The following BCAS3 variants were observed in gnomAD, a reference collection of about 807,000 sequenced individuals.
BCAS3 encodes BCAS3 microtubule associated cell migration factor.
A neutral mutation model predicts 116.1 loss-of-function variants in BCAS3; 53 were observed. The observed-to-expected ratio is 0.46, with a 90% CI of 0.37 to 0.57. BCAS3 has a LOEUF of 0.57. Among genes scored for constraint, BCAS3 ranks in the 20% least tolerant of loss-of-function variants. The pLI is 0.00. For missense variants in BCAS3, 917 were observed against 1,165.4 expected, an observed-to-expected ratio of 0.79 and a Z score of 3.10; for synonymous variants, 391 against 408.2, an observed-to-expected ratio of 0.96 and a Z score of 0.51.
chr17:60,832,649 G>A (rs1378890890), intron 7 of BCAS3, among the ~76,000 whole-genome samples: 1 of 152,064 alleles, frequency 6.6e-6, no homozygotes, highest in African/African-American at 2.4e-5. Flanking sequence ...ATGTAAAGAG[G>A]TTATTTTTTA....
intron 7 of BCAS3, among the ~76,000 whole-genome samples, chr17:60,867,025 T>C (rs1428354231): frequency 2.0e-5 from 3 of 152,072 alleles, no homozygotes; most frequent in Non-Finnish European, 4.4e-5. Context: ...AGATCTCATG[T>C]CTGGTATATT....
intron 22 of BCAS3, among the ~76,000 whole-genome samples, chr17:61,117,174 T>C (rs535124671): frequency 1.4e-4 from 22 of 152,362 alleles, no homozygotes; most frequent in Non-Finnish European, 2.8e-4. Flanking sequence ...GCCCCTGTTA[T>C]TCAGACTGGG....
intron 10 of BCAS3, among the ~76,000 whole-genome samples, chr17:60,898,393 C>T (rs2057654538): frequency 1.3e-5 from 2 of 151,984 alleles, no homozygotes; most frequent in African/African-American, 4.8e-5. Flanking sequence ...ATCTATAGTA[C>T]TGGTTGGATA....
chr17:61,264,960 G>T (rs1186583571), intron 22 of BCAS3, among the ~76,000 whole-genome samples: 1 of 152,226 alleles, frequency 6.6e-6, no homozygotes, highest in Non-Finnish European at 1.5e-5. Context: ...GAGAGAAATT[G>T]CTCTACAGAG....
chr17:61,069,916 G>A (rs569823550), intron 19 of BCAS3: 9 of 1,499,262 alleles, frequency 6.0e-6, no homozygotes, highest in East Asian at 4.5e-5. Flanking sequence ...TCCTAAAGCC[G>A]AAGCCAAAGC....
intron 19 of BCAS3, among the ~76,000 whole-genome samples, chr17:61,062,764 G>T (rs947819691): frequency 6.6e-6 from 1 of 152,126 alleles, no homozygotes; most frequent in African/African-American, 2.4e-5. Context: ...TGAAGGTCCT[G>T]GGAATTTAAT....
At chr17:61,064,321 A>G (rs997271262) in intron 19 of BCAS3, among the ~76,000 whole-genome samples, 2 of 152,148 alleles carry the variant, frequency 1.3e-5, no homozygotes, top group African/African-American at 4.8e-5. Flanking sequence ...TAAAAAAAAA[A>G]AAGTATACTT....
At chr17:60,854,897 A>G (rs2053519667) in intron 7 of BCAS3, among the ~76,000 whole-genome samples, 1 of 150,630 alleles carries the variant, frequency 6.6e-6, no homozygotes. Flanking sequence ...AAACTGTGGT[A>G]TATTCATAAA....
chr17:60,968,127 G>A (rs2145335123), intron 14 of BCAS3, among the ~76,000 whole-genome samples: 1 of 152,118 alleles, frequency 6.6e-6, no homozygotes, highest in East Asian at 1.9e-4. Flanking sequence ...TTTTTTTCGT[G>A]TGTATATCTG....
intron 22 of BCAS3, among the ~76,000 whole-genome samples, chr17:61,129,712 G>A (rs769028711): frequency 6.6e-6 from 1 of 152,190 alleles, no homozygotes; most frequent in Non-Finnish European, 1.5e-5. Flanking sequence ...GGGAGGTGCC[G>A]ATCTTCAGTT....
intron 23 of BCAS3, among the ~76,000 whole-genome samples, chr17:61,375,436 A>G (rs906451118): frequency 2.5e-4 from 38 of 152,176 alleles, no homozygotes; most frequent in African/African-American, 9.2e-4. Flanking sequence ...TGCCTGGGTC[A>G]GTATGGAGGG....
rs190347160 is a variant in BCAS3, at chr17:61,037,321, G to A, written c.1763-568G>A. Among the ~76,000 whole-genome samples the A allele has an allele frequency of 1.4e-3, 212 of 152,290 alleles. 1 individual carries two copies. Among genetic ancestry groups the A allele is most frequent in the Non-Finnish European group, 1.9e-3 (128 of 68,024 alleles). ...ATTGTAGACAAGTACAAAAGTCTATGAAGGATTTTACTATATTAGGATTTG... is the reference window on the plus strand; with the variant it reads ...ATTGTAGACAAGTACAAAAGTCTATAAAGGATTTTACTATATTAGGATTTG... On this transcript the variant is annotated intron_variant, in intron 17 of 23. Transcript: ENST00000407086. The surrounding 1 kb of genome is among the most constrained non-coding windows in gnomAD (Gnocchi z 4.7).
chr17:60,942,820 C>G (rs1230441442), intron 13 of BCAS3, among the ~76,000 whole-genome samples: 1 of 152,068 alleles, frequency 6.6e-6, no homozygotes. Context: ...AGTTTAAATG[C>G]TTATACTAAT....
chr17:61,273,379 A>G (rs1386391672), intron 22 of BCAS3, among the ~76,000 whole-genome samples: 2 of 152,084 alleles, frequency 1.3e-5, no homozygotes, highest in Non-Finnish European at 2.9e-5. Flanking sequence ...TTTAAAAAAT[A>G]CCATTTTTTA....
At chr17:61,275,200 C>T (rs991369689) in intron 22 of BCAS3, among the ~76,000 whole-genome samples, 1 of 152,122 alleles carries the variant, frequency 6.6e-6, no homozygotes, top group Non-Finnish European at 1.5e-5. Context: ...AGTTTAACAG[C>T]ATCAGAACAT....
intron 11 of BCAS3, among the ~76,000 whole-genome samples, chr17:60,905,933 A>C (rs2058165540): frequency 6.6e-6 from 1 of 152,168 alleles, no homozygotes; most frequent in African/African-American, 2.4e-5. Flanking sequence ...TATTATGCAA[A>C]TGGAGTCTCT....
rs1341689503 is a variant in BCAS3, at chr17:61,316,198, C to T, written c.2426-52129C>T. On this transcript the variant is annotated intron_variant, in intron 22 of 23. Coordinates refer to ENST00000407086, the MANE Select transcript of BCAS3 (RefSeq NM_017679.5). The surrounding 1 kb of genome is among the most constrained non-coding windows in gnomAD (Gnocchi z 5.8). Reference sequence around the variant, plus strand: ...GTGCATGCCTGTGATCCCAGCTACTCAGGAGGCTGTGGCAGGAGAATCACC... The same window carrying T: ...GTGCATGCCTGTGATCCCAGCTACTTAGGAGGCTGTGGCAGGAGAATCACC... Among the ~76,000 whole-genome samples, 1 of 152,098 alleles carries T rather than the reference C, an allele frequency of 6.6e-6. No individual in the cohort carries two copies. The highest frequency in any genetic ancestry group is 2.4e-5 in the African/African-American group (1 of 41,416).
intron 6 of BCAS3, among the ~76,000 whole-genome samples, chr17:60,782,149 T>G (rs1218998868): frequency 6.6e-6 from 1 of 151,832 alleles, no homozygotes; most frequent in Non-Finnish European, 1.5e-5. Context: ...TGAGGAGATA[T>G]GACTTTAAAA....
chr17:61,045,857 ATATATATAAATATATATAAATATATAT>A (rs2068026272), intron 19 of BCAS3, among the ~76,000 whole-genome samples: 1 of 882 alleles, frequency 1.1e-3, no homozygotes, highest in East Asian at 0.056. Flanking sequence ...CTCTATATAT[ATATATATAAATATATATAAATATATAT>A]TATATATATA....
Sources: allele counts gnomAD v4.1 joint callset (sites outside exome capture counted in the v4.1 genomes callset), GRCh38; gene constraint gnomAD v4.1.1; non-coding constraint Gnocchi (gnomAD v3.1); transcripts MANE v1.5; gene names NCBI Gene and HGNC (gene_info 2026-07-23, HGNC 2026-07-21).